Variants in IAPP observed in about 807,000 individuals in gnomAD.
The protein encoded by IAPP is islet amyloid polypeptide, also known as Islet amyloid polypeptide (diabetes-associated peptide; amylin).
In IAPP, 4 loss-of-function variants were observed where a neutral mutation model predicts 2.9. The ratio of observed to expected loss-of-function variants is 1.39; its 90% confidence interval spans 0.69 to 3.19. The LOEUF is 3.19. Ranked by LOEUF, IAPP falls within the 30% of genes most tolerant of loss-of-function variation. The pLI is 0.01. For missense variants in IAPP, 114 were observed against 105.3 expected, an observed-to-expected ratio of 1.08 and a Z score of -0.36; for synonymous variants, 40 against 42.1, an observed-to-expected ratio of 0.95 and a Z score of 0.19.
At chr12:21,371,309 C>T (rs117091430), upstream of IAPP, among the ~76,000 whole-genome samples, 49 of 152,254 alleles carry the variant, frequency 3.2e-4, no homozygotes, top group Non-Finnish European at 6.2e-4. Context: ...TCAAGCCCTG[C>T]CTCTGGAGTC....
chr12:21,372,782 T>C (rs1294418423), upstream of IAPP: 3 of 156,406 alleles, frequency 1.9e-5, no homozygotes, highest in Admixed American at 1.9e-4. Context: ...TTCTGCTGCC[T>C]GTGAGGTACT....
At chr12:21,378,133 A>C (rs1180070847) in intron 2 of IAPP, 104 bp from the exon 3 acceptor site, 1 of 1,074,722 alleles carries the variant, frequency 9.3e-7, no homozygotes, top group African/African-American at 1.6e-5. Context: ...TTATGTGAAA[A>C]TTGTTTCTTT....
In IAPP at chr12:21,378,434, T is replaced by C; in HGVS notation, c.*8T>C. On this transcript the variant is annotated 3_prime_UTR_variant, in exon 3 of 3. Transcript: ENST00000240652. Reference sequence around the variant, plus strand: ...AATTACTTGCCCCTTTAGAGGACAATGTAACTCTATAGTTATTGTTTTATG... The same window carrying C: ...AATTACTTGCCCCTTTAGAGGACAACGTAACTCTATAGTTATTGTTTTATG... The C allele has an allele frequency of 2.5e-6, 4 of 1,600,786 alleles. No homozygotes were observed. Among genetic ancestry groups the C allele is most frequent in the East Asian group, 2.2e-5 (1 of 44,824 alleles).
intron 1 of IAPP, among the ~76,000 whole-genome samples, chr12:21,357,857 T>G (rs1041902008): frequency 6.6e-6 from 1 of 152,224 alleles, no homozygotes; most frequent in Non-Finnish European, 1.5e-5. Flanking sequence ...ACACATGTTC[T>G]TGCTTAAGAA....
At chr12:21,372,741 T>C (rs1423290314), upstream of IAPP, 6 of 154,456 alleles carry the variant, frequency 3.9e-5, no homozygotes, top group East Asian at 1.1e-3. Flanking sequence ...TAATATTTAC[T>C]GATGAGTTAA....
intron 1 of IAPP, among the ~76,000 whole-genome samples, chr12:21,359,305 A>G (rs1344302801): frequency 1.3e-5 from 2 of 152,176 alleles, no homozygotes; most frequent in African/African-American, 4.8e-5. Context: ...CCATAAAGGG[A>G]AGAAGAAAAA....
intron 1 of IAPP, among the ~76,000 whole-genome samples, chr12:21,361,965 C>T (rs1283818264): frequency 6.6e-6 from 1 of 152,146 alleles, no homozygotes; most frequent in Admixed American, 6.5e-5. Flanking sequence ...AGTTGGAAAA[C>T]ACTCTTCAGG....
chr12:21,360,013 T>C (rs1442447959), intron 1 of IAPP, among the ~76,000 whole-genome samples: 2 of 151,622 alleles, frequency 1.3e-5, no homozygotes, highest in Non-Finnish European at 2.9e-5. Context: ...CATTATGCTA[T>C]GTAAAAAAAA....
chr12:21,371,398 T>C (rs1939778736), upstream of IAPP, among the ~76,000 whole-genome samples: 1 of 139,204 alleles, frequency 7.2e-6, no homozygotes, highest in South Asian at 2.2e-4. Context: ...TCCATTTCTT[T>C]TGATTTTTTT....
chr12:21,373,136 G>A, intron 1 of IAPP, 132 bp downstream of exon 1: 1 of 585,970 alleles, frequency 1.7e-6, no homozygotes, highest in Admixed American at 3.0e-5. Flanking sequence ...AGATTGCTTA[G>A]AGAAGGAAAT....
At chr12:21,362,092 G>A (rs976038061) in intron 1 of IAPP, among the ~76,000 whole-genome samples, 1 of 152,092 alleles carries the variant, frequency 6.6e-6, no homozygotes, top group Non-Finnish European at 1.5e-5. Context: ...ACACATAATT[G>A]TCAGATTCAC....
intron 1 of IAPP, among the ~76,000 whole-genome samples, chr12:21,357,270 A>T (rs2137032448): frequency 6.6e-6 from 1 of 152,308 alleles, no homozygotes; most frequent in Non-Finnish European, 1.5e-5. Context: ...GTGGACGTAT[A>T]AAAAGGGGAA....
intron 2 of IAPP, among the ~76,000 whole-genome samples, chr12:21,377,110 A>G (rs1269285315): frequency 6.6e-6 from 1 of 152,204 alleles, no homozygotes; most frequent in Non-Finnish European, 1.5e-5. Flanking sequence ...TTCTGAGTTT[A>G]TAAGTATTAT....
upstream of IAPP, among the ~76,000 whole-genome samples, chr12:21,370,839 C>T (rs1192827923): frequency 6.6e-6 from 1 of 152,162 alleles, no homozygotes; most frequent in Non-Finnish European, 1.5e-5. Context: ...GGTATGCTTT[C>T]TACATCACTG....
chr12:21,362,715 C>A (rs1939018597), intron 1 of IAPP, among the ~76,000 whole-genome samples: 1 of 151,886 alleles, frequency 6.6e-6, no homozygotes, highest in Non-Finnish European at 1.5e-5. Context: ...ATCTACCAAG[C>A]AAATGGAAAA....
intron 1 of IAPP, among the ~76,000 whole-genome samples, chr12:21,363,384 A>G (rs1049805045): frequency 6.6e-6 from 1 of 152,224 alleles, no homozygotes; most frequent in African/African-American, 2.4e-5. Context: ...TCTCTGGGAC[A>G]CATTTAAAGC....
At chr12:21,358,569 C>A (rs954119269) in intron 1 of IAPP, among the ~76,000 whole-genome samples, 3 of 151,948 alleles carry the variant, frequency 2.0e-5, no homozygotes, top group African/African-American at 7.3e-5. Flanking sequence ...GTGTATAGTT[C>A]TATCATCATA....
intron 1 of IAPP, among the ~76,000 whole-genome samples, chr12:21,356,563 A>T (rs1330376585): frequency 1.3e-5 from 2 of 152,106 alleles, no homozygotes; most frequent in Non-Finnish European, 2.9e-5. Context: ...AAAAGGTAAC[A>T]TTCAGAGCTT....
intron 1 of IAPP, among the ~76,000 whole-genome samples, chr12:21,360,939 T>TG (rs1376332894): frequency 6.6e-6 from 1 of 152,128 alleles, no homozygotes; most frequent in Non-Finnish European, 1.5e-5. Flanking sequence ...TGCCTGCCTC[T>TG]GTAGACTCCA....
Sources: allele counts gnomAD v4.1 joint callset (sites outside exome capture counted in the v4.1 genomes callset), GRCh38; gene constraint gnomAD v4.1.1; transcripts MANE v1.5; gene names NCBI Gene and HGNC (gene_info 2026-07-23, HGNC 2026-07-21).